The following AGBL1 variants were observed in gnomAD, a reference collection of about 807,000 sequenced individuals.
AGBL1 encodes the protein cytosolic carboxypeptidase 4.
In AGBL1, 130 loss-of-function variants were observed where a neutral mutation model predicts 118.9. That is an observed-to-expected ratio of 1.09 (90% CI 0.95 to 1.26). The LOEUF (loss-of-function observed/expected upper bound fraction) is 1.26. Among genes scored for constraint, AGBL1 ranks in the 50% most tolerant of loss-of-function variants. AGBL1 has a pLI of 0.00. For synonymous variants in AGBL1, 555 were observed against 478.9 expected (o/e 1.16, Z -2.08); for missense variants, 1,584 against 1,298.1 (o/e 1.22, Z -3.38).
At chr15:86,165,002 T>A (rs142432417) in intron 5 of AGBL1, among the ~76,000 whole-genome samples, 9 of 152,280 alleles carry the variant, frequency 5.9e-5, no homozygotes, top group South Asian at 2.1e-4. Flanking sequence ...CCTCTCAGGT[T>A]TTCAGCAGGA....
At chr15:86,677,219 C>G (rs2085864485) in intron 22 of AGBL1, among the ~76,000 whole-genome samples, 1 of 152,126 alleles carries the variant, frequency 6.6e-6, no homozygotes, top group African/African-American at 2.4e-5. Flanking sequence ...CAGAGCAACT[C>G]AACATTTTTC....
chr15:86,194,251 A>G (rs2077765744), intron 5 of AGBL1, among the ~76,000 whole-genome samples: 1 of 152,144 alleles, frequency 6.6e-6, no homozygotes, highest in Non-Finnish European at 1.5e-5. Flanking sequence ...TCGTATATCA[A>G]TTATTCCACT....
intron 24 of AGBL1, among the ~76,000 whole-genome samples, chr15:87,018,990 G>C (rs1225600529): frequency 2.0e-5 from 3 of 150,556 alleles, no homozygotes; most frequent in Non-Finnish European, 2.9e-5. Context: ...TGACAAAAGA[G>C]ACTTTAAACC....
At chr15:86,245,927 AG>A (rs2078712873) in intron 6 of AGBL1, among the ~76,000 whole-genome samples, 2 of 151,662 alleles carry the variant, frequency 1.3e-5, no homozygotes, top group African/African-American at 4.9e-5. Context: ...CTTTTGAGCT[AG>A]GGTCTCACTC....
At chr15:86,970,078 G>C (rs965415784) in intron 23 of AGBL1, among the ~76,000 whole-genome samples, 14 of 151,798 alleles carry the variant, frequency 9.2e-5, no homozygotes, top group Non-Finnish European at 1.9e-4. Flanking sequence ...GGCATGGGGA[G>C]CCCAAAAGTC....
chr15:86,554,478 G>T lies in AGBL1; in HGVS notation c.2935G>T (p.Val979Leu), dbSNP rs759111605. The T allele has an allele frequency of 6.3e-7, 1 of 1,584,914 alleles. No individual in the cohort carries two copies. The highest frequency in any genetic ancestry group is 1.2e-5 in the South Asian group (1 of 86,126). ...ARVVVWREMGVSRSYTMESSY... is the reference protein window; with the variant it reads ...ARVVVWREMGLSRSYTMESSY... The stretch of plus-strand genomic sequence containing the variant: ...GGTGGTGGTGTGGAGAGAGATGGGG[G>T]TGTCCAGAAGCTACACCATGGAAAG... Residue 979 changes from valine (V) to leucine (L), a missense_variant, in exon 21 of 23, where the codon GTG (valine) becomes TTG (leucine). By Grantham distance (32) the Val-to-Leu change is conservative. Transcript: ENST00000614907.
chr15:86,637,166 A>G (rs184440771), intron 21 of AGBL1, among the ~76,000 whole-genome samples: 1 of 152,134 alleles, frequency 6.6e-6, no homozygotes, highest in Non-Finnish European at 1.5e-5. Flanking sequence ...GAAGATGCAC[A>G]TTACACAACA....
At chr15:86,506,401 C>A (rs999631214) in intron 18 of AGBL1, among the ~76,000 whole-genome samples, 4 of 151,890 alleles carry the variant, frequency 2.6e-5, no homozygotes, top group African/African-American at 9.7e-5. Context: ...TCTGGGAGAC[C>A]CATGATGTTT....
intron 21 of AGBL1, among the ~76,000 whole-genome samples, chr15:86,586,534 G>C (rs2084250683): frequency 6.6e-6 from 1 of 152,132 alleles, no homozygotes. Context: ...CCGAAATTCT[G>C]TTAAAATATA....
chr15:87,027,138 GAATA>G (rs1243574898), intron 24 of AGBL1, among the ~76,000 whole-genome samples: 1 of 151,746 alleles, frequency 6.6e-6, no homozygotes, highest in East Asian at 1.9e-4. Context: ...ATATAAAAAT[GAATA>G]AATACAAAGA....
intron 20 of AGBL1, 24 bp from the exon 21 acceptor site, chr15:86,554,337 G>T (rs769799229): frequency 6.5e-7 from 1 of 1,530,546 alleles, no homozygotes; most frequent in Non-Finnish European, 8.8e-7. Context: ...ACTAATCATC[G>T]TTTGATTTTT....
chr15:86,434,718 C>T (rs1439853443), intron 18 of AGBL1, among the ~76,000 whole-genome samples: 1 of 152,176 alleles, frequency 6.6e-6, no homozygotes, highest in African/African-American at 2.4e-5. Context: ...TATCTGACAC[C>T]AGAGGATGTC....
chr15:86,603,279 C>G (rs2084524315), intron 21 of AGBL1, among the ~76,000 whole-genome samples: 1 of 152,186 alleles, frequency 6.6e-6, no homozygotes, highest in Non-Finnish European at 1.5e-5. Context: ...CAAACCTTCC[C>G]CTCCAAAGGA....
intron 22 of AGBL1, among the ~76,000 whole-genome samples, chr15:86,687,935 C>T (rs551621715): frequency 6.6e-6 from 1 of 152,210 alleles, no homozygotes; most frequent in Non-Finnish European, 1.5e-5. Flanking sequence ...CACAGTTCCC[C>T]TATATCCAGT....
intron 21 of AGBL1, among the ~76,000 whole-genome samples, chr15:86,607,451 C>G (rs2084593508): frequency 6.6e-6 from 1 of 152,160 alleles, no homozygotes; most frequent in African/African-American, 2.4e-5. Flanking sequence ...AATGGGATTA[C>G]TGTATCCTAT....
chr15:86,163,696 C>G (rs1042950449), intron 5 of AGBL1, among the ~76,000 whole-genome samples: 1 of 151,860 alleles, frequency 6.6e-6, no homozygotes, highest in Non-Finnish European at 1.5e-5. Flanking sequence ...CCACTGCACT[C>G]CAGCCTGTGA....
At chr15:86,408,983 T>G (rs1162425245) in intron 18 of AGBL1, among the ~76,000 whole-genome samples, 1 of 152,210 alleles carries the variant, frequency 6.6e-6, no homozygotes, top group Non-Finnish European at 1.5e-5. Flanking sequence ...AGGAATAGTT[T>G]AATCTCACAG....
intron 21 of AGBL1, among the ~76,000 whole-genome samples, chr15:86,654,490 CT>C (rs1219699712): frequency 1.3e-5 from 2 of 152,124 alleles, no homozygotes; most frequent in African/African-American, 4.8e-5. Context: ...ACCCATGGCC[CT>C]GTATGCAATG....
intron 5 of AGBL1, among the ~76,000 whole-genome samples, chr15:86,169,979 A>T (rs776390514): frequency 3.3e-5 from 5 of 152,344 alleles, no homozygotes; most frequent in South Asian, 2.1e-4. Flanking sequence ...AGGTAAAATC[A>T]CAATGTGTAG....
Sources: gnomAD v4.1 joint callset for allele counts (sites outside exome capture counted in the v4.1 genomes callset) on GRCh38, gnomAD v4.1.1 for gene constraint, MANE v1.5 for transcripts, NCBI Gene and HGNC (gene_info 2026-07-23, HGNC 2026-07-21) for gene names.